Variants in CDH12 observed in about 807,000 individuals in gnomAD.
CDH12 encodes cadherin-12.
A neutral mutation model predicts 74.1 loss-of-function variants in CDH12; 41 were observed. The ratio of observed to expected loss-of-function variants is 0.55; its 90% CI spans 0.43 to 0.72. CDH12 has a LOEUF of 0.72. Ranked by LOEUF, CDH12 falls within the 30% of genes least tolerant of loss-of-function variation. The pLI, the probability that CDH12 is intolerant of heterozygous loss-of-function variation, is 0.00. For missense variants in CDH12, 945 were observed against 977.2 expected (o/e 0.97, Z 0.44); for synonymous variants, 399 against 355.0 (o/e 1.12, Z -1.39).
intron 4 of CDH12, among the ~76,000 whole-genome samples, chr5:22,172,185 C>G (rs1019401092): frequency 3.3e-5 from 5 of 151,972 alleles, no homozygotes; most frequent in African/African-American, 1.2e-4. Context: ...AAATAAAGTG[C>G]TAGTACAATA....
At chr5:22,616,450 T>C (rs1162336415) in intron 1 of CDH12, among the ~76,000 whole-genome samples, 1 of 152,116 alleles carries the variant, frequency 6.6e-6, no homozygotes, top group Non-Finnish European at 1.5e-5. Flanking sequence ...GCATTTAAAA[T>C]TCCTTAGGAA....
In CDH12 at chr5:22,786,328, T is replaced by C. The variant is rs538325723; in HGVS notation, c.-523+66730A>G. On this transcript the variant is annotated intron_variant, in intron 1 of 14. Transcript: ENST00000382254. The stretch of plus-strand genomic sequence containing the variant: ...AGGGCCATTTTTGCAGTTGTGAATG[T>C]AGACATACTGTGTGGGGAAGAAGCT... Among the ~76,000 whole-genome samples, 8 of 152,316 alleles carry C rather than the reference T, an allele frequency of 5.3e-5. No homozygotes were observed. In the South Asian group the frequency reaches 1.7e-3, roughly 32 times the overall value.
At chr5:22,136,292 A>G (rs2150292616) in intron 4 of CDH12, among the ~76,000 whole-genome samples, 1 of 152,086 alleles carries the variant, frequency 6.6e-6, no homozygotes, top group African/African-American at 2.4e-5. Flanking sequence ...ATCTAGGGGA[A>G]GAGTTCCATG....
chr5:21,821,845 G>C (rs1249487518), intron 8 of CDH12, among the ~76,000 whole-genome samples: 2 of 151,830 alleles, frequency 1.3e-5, no homozygotes, highest in Non-Finnish European at 2.9e-5. Context: ...CATACTTTTT[G>C]TGTGTGTGAG....
chr5:22,532,686 A>T (rs898072674), intron 1 of CDH12, among the ~76,000 whole-genome samples: 49 of 151,896 alleles, frequency 3.2e-4, no homozygotes, highest in Non-Finnish European at 3.7e-4. Context: ...TGGTTAACAA[A>T]GTCTCAGATG....
At chr5:22,174,493 T>C (rs951763464) in intron 4 of CDH12, among the ~76,000 whole-genome samples, 42 of 152,132 alleles carry the variant, frequency 2.8e-4, no homozygotes, top group African/African-American at 8.2e-4. Context: ...AGTTTTGTTT[T>C]TTAACTAAAC....
At chr5:21,913,167 T>G in intron 6 of CDH12, among the ~76,000 whole-genome samples, 1 of 152,174 alleles carries the variant, frequency 6.6e-6, no homozygotes, top group Non-Finnish European at 1.5e-5. Context: ...ATGATTCATC[T>G]TAGGGAAGAT....
chr5:22,112,890 GA>G (rs1290799932), intron 4 of CDH12, among the ~76,000 whole-genome samples: 3 of 152,146 alleles, frequency 2.0e-5, no homozygotes, highest in African/African-American at 7.2e-5. Context: ...CAGTTTAACA[GA>G]ACGTTCATCT....
chr5:22,253,827 T>G (rs963886504), intron 3 of CDH12, among the ~76,000 whole-genome samples: 1 of 151,926 alleles, frequency 6.6e-6, no homozygotes, highest in Admixed American at 6.6e-5. Flanking sequence ...TCTTGATGAA[T>G]GGAAGTGGTG....
chr5:22,766,679 A>G (rs188185736), intron 1 of CDH12, among the ~76,000 whole-genome samples: 3 of 152,186 alleles, frequency 2.0e-5, no homozygotes, highest in African/African-American at 7.2e-5. Context: ...CAGCAACTCA[A>G]CAAGACTTGG....
At chr5:21,843,219 C>T (rs1323278491) in intron 7 of CDH12, among the ~76,000 whole-genome samples, 1 of 152,132 alleles carries the variant, frequency 6.6e-6, no homozygotes, top group East Asian at 1.9e-4. Context: ...TTAAACACAG[C>T]TGGCTTTAAT....
chr5:22,843,855 C>T (rs981771310), intron 1 of CDH12, among the ~76,000 whole-genome samples: 6 of 151,980 alleles, frequency 3.9e-5, no homozygotes, highest in Middle Eastern at 3.2e-3. Context: ...AGGATTTTGG[C>T]TGTTTGATAA....
chr5:22,661,701 A>T (rs887284373), intron 1 of CDH12, among the ~76,000 whole-genome samples: 2 of 152,118 alleles, frequency 1.3e-5, no homozygotes, highest in Admixed American at 1.3e-4. Context: ...AAATCATGTA[A>T]CACCATTCCT....
At chr5:22,119,192 A>G (rs546486582) in intron 4 of CDH12, among the ~76,000 whole-genome samples, 68 of 152,114 alleles carry the variant, frequency 4.5e-4, no homozygotes, top group African/African-American at 1.6e-3. Flanking sequence ...TTCTTACTAT[A>G]AAGTTGTGAA....
chr5:21,816,994 T>C lies in CDH12; in HGVS notation c.953A>G (p.Asp318Gly). The C allele has an allele frequency of 1.9e-6, 3 of 1,612,794 alleles. No individual in the cohort carries two copies. The highest frequency in any genetic ancestry group is 2.5e-6 in the Non-Finnish European group (3 of 1,179,162). Residue 318 changes from aspartate to glycine, a missense_variant, in exon 9 of 15, where the codon GAC (aspartate) becomes GGC (glycine). This residue lies in a region of CDH12 where 791 missense variants were observed against 792.8 expected (regional missense o/e 1.00). Transcript: ENST00000382254. ...TTGTGTATCCTCATCTGTGACGATG[T>C]CAAACAAATTTCCCCCATCTCCTGG... ...IVPGDGGNLF[D>G]IVTDEDTQEG...
chr5:22,595,951 T>A (rs1736582742), intron 1 of CDH12, among the ~76,000 whole-genome samples: 3 of 149,114 alleles, frequency 2.0e-5, no homozygotes, highest in African/African-American at 4.9e-5. Context: ...TAAAAAAAAT[T>A]AAAAAAATTA....
intron 1 of CDH12, among the ~76,000 whole-genome samples, chr5:22,567,225 C>T (rs1053297307): frequency 7.2e-5 from 11 of 152,168 alleles, no homozygotes; most frequent in Admixed American, 2.0e-4. Flanking sequence ...TTGGAGTTAG[C>T]CACATTGTAT....
chr5:22,095,234 CA>C (rs1478991069), intron 4 of CDH12, among the ~76,000 whole-genome samples: 2 of 152,204 alleles, frequency 1.3e-5, no homozygotes, highest in African/African-American at 4.8e-5. Context: ...CTCACTTCTC[CA>C]ACGTCTCTCA....
At chr5:21,990,933 A>G (rs1208559767) in intron 5 of CDH12, among the ~76,000 whole-genome samples, 2 of 138,816 alleles carry the variant, frequency 1.4e-5, no homozygotes, top group Non-Finnish European at 3.0e-5. Flanking sequence ...TGCCATTAAC[A>G]GAAAAAAAAA....
Sources: gnomAD v4.1 joint callset for allele counts (sites outside exome capture counted in the v4.1 genomes callset) on GRCh38, gnomAD v4.1.1 for gene constraint, gnomAD v4.1.1 regional missense constraint, MANE v1.5 for transcripts, NCBI Gene and HGNC (gene_info 2026-07-23, HGNC 2026-07-21) for gene names.